Variants in SV2C observed in about 807,000 individuals in gnomAD.
SV2C encodes the protein synaptic vesicle glycoprotein 2C, also known as solute carrier family 22 member B3.
Under a neutral mutation model 79.7 loss-of-function variants are expected in SV2C, and 49 were observed. That is an observed-to-expected ratio of 0.61 (90% CI 0.49 to 0.78). The LOEUF (loss-of-function observed/expected upper bound fraction) is 0.78, where lower values mean the gene tolerates loss of function less well. SV2C is among the 30% of genes least tolerant of loss of function. SV2C has a pLI of 0.00. For missense variants in SV2C, 833 were observed against 912.9 expected, an observed-to-expected ratio of 0.91 and a Z score of 1.13; for synonymous variants, 334 against 333.2, an observed-to-expected ratio of 1.00 and a Z score of -0.03.
chr5:76,335,096 G>A (rs1047913632), downstream of SV2C, among the ~76,000 whole-genome samples: 9 of 152,182 alleles, frequency 5.9e-5, no homozygotes, highest in African/African-American at 1.7e-4. Context: ...ATTGCCACAT[G>A]TGACCAGAGG....
chr5:76,335,320 G>A (rs564193862), downstream of SV2C, among the ~76,000 whole-genome samples: 1 of 150,212 alleles, frequency 6.7e-6, no homozygotes, highest in South Asian at 2.1e-4. Context: ...CCAGCCCATC[G>A]CTCTATATAG....
the SV2C span, among the ~76,000 whole-genome samples, chr5:75,897,774 G>A: frequency 2.0e-5 from 3 of 151,808 alleles, no homozygotes; most frequent in Admixed American, 6.6e-5. Context: ...TCCTTGAAGA[G>A]GTCCTTCACG....
Position 76,231,958 on chromosome 5 carries a change from T to A in SV2C, c.913+22071T>A, listed in dbSNP as rs1369196371. On this transcript the variant is annotated intron_variant, in intron 4 of 12. Transcript: ENST00000502798. ...AATCCTTTGGGTATATACCAAGTAA[T>A]GGGATGGCTGAGTCAAATGGTATTT... is the stretch of plus-strand genomic sequence containing the variant. Among the ~76,000 whole-genome samples the A allele has an allele frequency of 2.1e-5, 3 of 143,946 alleles. 1 individual carries two copies. The highest frequency in any genetic ancestry group is 8.9e-5 in the African/African-American group (3 of 33,596). 94.4% of individuals were successfully genotyped at this position (143,946 alleles called of 152,430 possible). A position where few individuals can be genotyped will look rare whatever the true frequency, so the allele number is the denominator to read the frequency against.
intron 1 of SV2C, among the ~76,000 whole-genome samples, chr5:76,084,661 CGAGTG>C (rs1306228106): frequency 8.9e-6 from 1 of 112,114 alleles, no homozygotes; most frequent in Non-Finnish European, 1.7e-5. Context: ...TCTACGTGTG[CGAGTG>C]ATGCAAATGC....
At chr5:76,076,300 T>C in the SV2C span, among the ~76,000 whole-genome samples, 1 of 152,214 alleles carries the variant, frequency 6.6e-6, no homozygotes, top group Non-Finnish European at 1.5e-5. Flanking sequence ...GATAGAAGAT[T>C]GATCTGGTGC....
At chr5:76,090,487 T>C (rs190296626) in intron 1 of SV2C, among the ~76,000 whole-genome samples, 2 of 152,174 alleles carry the variant, frequency 1.3e-5, no homozygotes, top group African/African-American at 2.4e-5. Context: ...AAACACCTAG[T>C]TCAGTGTTCT....
chr5:76,337,139 C>A (rs1238398895), downstream of SV2C, among the ~76,000 whole-genome samples: 1 of 152,050 alleles, frequency 6.6e-6, no homozygotes, highest in Non-Finnish European at 1.5e-5. Context: ...CTTAAGCAAC[C>A]AAATTTCTTT....
At chr5:76,201,210 C>A (rs1369148821) in intron 3 of SV2C, among the ~76,000 whole-genome samples, 1 of 152,176 alleles carries the variant, frequency 6.6e-6, no homozygotes, top group Non-Finnish European at 1.5e-5. Context: ...AATCTCACAC[C>A]AAGAAACAGA....
intron 9 of SV2C, among the ~76,000 whole-genome samples, chr5:76,297,056 G>A (rs1176954500): frequency 6.6e-6 from 1 of 152,104 alleles, no homozygotes; most frequent in East Asian, 1.9e-4. Context: ...ATATGTTAAA[G>A]TTCTAAACTG....
intron 2 of SV2C, among the ~76,000 whole-genome samples, chr5:76,136,113 A>G (rs755454140): frequency 2.0e-5 from 3 of 152,232 alleles, no homozygotes; most frequent in Non-Finnish European, 2.9e-5. Context: ...GGTGTTGACT[A>G]ATACAAAATA....
In SV2C at chr5:76,332,477, A is replaced by G. The variant is rs1428269321; in HGVS notation, c.*6930A>G. ...AGCTATTACTAAAAAATTAAATAAG[A>G]TTAGATAAATTATAGCTAAAAGCAA... On this transcript the variant is annotated 3_prime_UTR_variant, in exon 13 of 13. Transcript: ENST00000502798. 6.6e-6 allele frequency: 1 copy of G among 152,202 alleles called. No individual in the cohort carries two copies. The highest frequency in any genetic ancestry group is 2.4e-5 in the African/African-American group (1 of 41,430). 9.4% of individuals were successfully genotyped at this position (152,202 alleles called of 1,614,324 possible). A position where few individuals can be genotyped will look rare whatever the true frequency, so the allele number is the denominator to read the frequency against.
chr5:75,902,412 A>G, the SV2C span, among the ~76,000 whole-genome samples: 2 of 152,260 alleles, frequency 1.3e-5, no homozygotes, highest in African/African-American at 4.8e-5. Flanking sequence ...TGAGTGGGCA[A>G]GCAATTTCTC....
intron 4 of SV2C, among the ~76,000 whole-genome samples, chr5:76,257,243 G>A (rs181661452): frequency 1.5e-5 from 2 of 137,836 alleles, no homozygotes; most frequent in African/African-American, 2.9e-5. Flanking sequence ...TCTATAGCTC[G>A]TGGTGGGGGG....
intron 2 of SV2C, among the ~76,000 whole-genome samples, chr5:76,193,085 C>A (rs1006569241): frequency 1.3e-5 from 2 of 152,162 alleles, no homozygotes; most frequent in Non-Finnish European, 2.9e-5. Flanking sequence ...AGTTTTGTAT[C>A]TGTTTTTGTC....
At chr5:76,147,336 A>C (rs1350470151) in intron 2 of SV2C, among the ~76,000 whole-genome samples, 2 of 152,170 alleles carry the variant, frequency 1.3e-5, no homozygotes, top group Non-Finnish European at 2.9e-5. Context: ...GTTTGAGGAG[A>C]TCCTGGGACT....
At chr5:75,876,375 T>G in the SV2C span, among the ~76,000 whole-genome samples, 2 of 151,890 alleles carry the variant, frequency 1.3e-5, no homozygotes, top group Non-Finnish European at 2.9e-5. Context: ...TGATAAGAAC[T>G]TATGAACACA....
At chr5:76,275,348 A>C (rs973889603) in intron 4 of SV2C, among the ~76,000 whole-genome samples, 1 of 152,036 alleles carries the variant, frequency 6.6e-6, no homozygotes, top group Non-Finnish European at 1.5e-5. Flanking sequence ...TTAGCTGGGC[A>C]TGGTGGCGGG....
At chr5:75,942,266 TG>T in the SV2C span, among the ~76,000 whole-genome samples, 1 of 152,214 alleles carries the variant, frequency 6.6e-6, no homozygotes, top group East Asian at 1.9e-4. Flanking sequence ...TGTAATAAAC[TG>T]GTAAACATAA....
At chr5:76,207,019 A>G (rs1160287439) in intron 3 of SV2C, among the ~76,000 whole-genome samples, 1 of 152,216 alleles carries the variant, frequency 6.6e-6, no homozygotes, top group Non-Finnish European at 1.5e-5. Context: ...TCCAGAAAAA[A>G]TAACCACGTG....
Sources: allele counts gnomAD v4.1 joint callset (sites outside exome capture counted in the v4.1 genomes callset), GRCh38; gene constraint gnomAD v4.1.1; transcripts MANE v1.5; gene names NCBI Gene and HGNC (gene_info 2026-07-23, HGNC 2026-07-21).